The following TMCC2 variants were observed in gnomAD, a reference collection of about 807,000 sequenced individuals.
TMCC2 encodes the protein transmembrane and coiled-coil domains protein 2.
In TMCC2, 16 loss-of-function variants were observed where a neutral mutation model predicts 49.4. The ratio of observed to expected loss-of-function variants is 0.32; its 90% CI spans 0.22 to 0.49. The LOEUF is 0.49. Ranked by LOEUF, TMCC2 falls within the 20% of genes least tolerant of loss-of-function variation. The pLI is 0.99. For missense variants in TMCC2, 762 were observed against 989.8 expected (o/e 0.77, Z 3.09); for synonymous variants, 397 against 434.1 (o/e 0.91, Z 1.06).
At position 205,259,886 on chromosome 1, in the gene TMCC2, A is replaced by G. The variant is rs186024455; in HGVS notation, c.748-9064A>G. On this transcript the variant is annotated intron_variant, in intron 2 of 4. Transcript: ENST00000358024. The stretch of plus-strand genomic sequence containing the variant: ...CCCCAGGTGTGCGTGGGCTGAGGGT[A>G]GATCTCACTGGAGCAGGAAGAGGAA... Among the ~76,000 whole-genome samples, 8 of 152,306 alleles carry G rather than the reference A, an allele frequency of 5.3e-5. No individual in the cohort carries two copies. In the East Asian group the frequency reaches 1.5e-3, roughly 29 times the overall value.
chr1:205,257,703 G>A (rs142734898), intron 2 of TMCC2, among the ~76,000 whole-genome samples: 1 of 152,296 alleles, frequency 6.6e-6, no homozygotes, highest in East Asian at 1.9e-4. Context: ...GGTTGTGGTC[G>A]CTTGTGTCTG....
chr1:205,263,367 C>A (rs1204443071), intron 2 of TMCC2, among the ~76,000 whole-genome samples: 1 of 152,150 alleles, frequency 6.6e-6, no homozygotes, highest in Non-Finnish European at 1.5e-5. Flanking sequence ...GAACTCCTTT[C>A]TTTTTCCTTG....
intron 1 of TMCC2, among the ~76,000 whole-genome samples, chr1:205,239,142 T>C (rs1345995706): frequency 6.6e-6 from 1 of 152,140 alleles, no homozygotes; most frequent in African/African-American, 2.4e-5. Context: ...TCCTCAGTGT[T>C]GGAGAAGCCA....
In TMCC2 at chr1:205,239,973, A is replaced by G. The variant is rs558535385; in HGVS notation, c.208-1532A>G. 2.7e-3 allele frequency among the ~76,000 whole-genome samples: 389 copies of G among 146,436 alleles called. 3 individuals carry two copies. Among genetic ancestry groups the G allele is most frequent in the African/African-American group, 9.0e-3 (360 of 40,098 alleles). On this transcript the variant is annotated intron_variant, in intron 1 of 4. Coordinates refer to ENST00000358024, the MANE Select transcript of TMCC2 (RefSeq NM_014858.4). ...CTGCTCTGTAAGTTTGTTTCTAGGG[A>G]AAAAAAAAAAGAAAATCCAGTCTGT...
chr1:205,245,311 C>CA lies in TMCC2; in HGVS notation c.747+3267_747+3268insA, dbSNP rs1393787848. Reference sequence around the variant, plus strand: ...AGCCTGCAGGGGCCCAAGTGCTAGACTATGGGCAGGAGGCAGCTTGTTTGT... The same window carrying CA: ...AGCCTGCAGGGGCCCAAGTGCTAGACATATGGGCAGGAGGCAGCTTGTTTGT... On this transcript the variant is annotated intron_variant, in intron 2 of 4. Coordinates refer to ENST00000358024, the MANE Select transcript of TMCC2 (RefSeq NM_014858.4). Among the ~76,000 whole-genome samples the CA allele has an allele frequency of 2.6e-5, 4 of 152,238 alleles. No individual in the cohort carries two copies. The East Asian group carries it at 7.7e-4, about 29-fold the overall frequency.
Position 205,235,689 on chromosome 1 carries a change from C to T in TMCC2, c.208-5816C>T, listed in dbSNP as rs1660011273. On this transcript the variant is annotated intron_variant, in intron 1 of 4. Transcript: ENST00000358024. Reference sequence around the variant, plus strand: ...ATAGCTGGACAGGGTCCACCTTTGTCAGCCAAACACTTAAGTCTCTCTTCG... The same window carrying T: ...ATAGCTGGACAGGGTCCACCTTTGTTAGCCAAACACTTAAGTCTCTCTTCG... 2.0e-5 allele frequency among the ~76,000 whole-genome samples: 3 copies of T among 152,204 alleles called. No homozygotes were observed. In the South Asian group the frequency reaches 6.2e-4, roughly 32 times the overall value.
chr1:205,269,048 C>T lies in TMCC2; in HGVS notation c.846C>T (p.Pro282=), dbSNP rs1661466451. The change falls in exon 3 of 5, where the codon CCC becomes CCT. Residue 282 remains proline, a synonymous_variant. Coordinates refer to ENST00000358024, the MANE Select transcript of TMCC2 (RefSeq NM_014858.4). ...SLDVPDGAPD[P]QRTKAAIDHL... ...ACGTGCCCGATGGGGCACCGGACCCCCAGCGGACCAAGGCCGCCATTGACC... is the reference window on the plus strand; with the variant it reads ...ACGTGCCCGATGGGGCACCGGACCCTCAGCGGACCAAGGCCGCCATTGACC... The T allele has an allele frequency of 5.0e-6, 8 of 1,613,640 alleles. No homozygotes were observed. The highest frequency in any genetic ancestry group is 8.5e-7 in the Non-Finnish European group (1 of 1,180,016).
In TMCC2 at chr1:205,228,468, T is replaced by C; in HGVS notation, c.-97T>C. On this transcript the variant is annotated 5_prime_UTR_variant, in exon 1 of 5. Transcript: ENST00000358024. Reference sequence around the variant, plus strand: ...GCCATCTCCCCTCCTTGTTAATAATTTAGACCCCAGGCCTCATATGAATAT... The same window carrying C: ...GCCATCTCCCCTCCTTGTTAATAATCTAGACCCCAGGCCTCATATGAATAT... 5 of 1,045,342 alleles carry C rather than the reference T, an allele frequency of 4.8e-6. No homozygotes were observed. In the East Asian group the frequency reaches 1.3e-4, roughly 26 times the overall value. 64.8% of individuals were successfully genotyped at this position (1,045,342 alleles called of 1,614,324 possible). A position where few individuals can be genotyped will look rare whatever the true frequency, so the allele number is the denominator to read the frequency against.
At chr1:205,263,216 T>G (rs1215879056) in intron 2 of TMCC2, among the ~76,000 whole-genome samples, 2 of 151,938 alleles carry the variant, frequency 1.3e-5, no homozygotes, top group African/African-American at 4.8e-5. Context: ...CCAGTGAGAT[T>G]AAGGGTTACC....
intron 1 of TMCC2, among the ~76,000 whole-genome samples, chr1:205,233,493 C>T (rs956581889): frequency 2.0e-5 from 3 of 152,180 alleles, no homozygotes; most frequent in African/African-American, 7.2e-5. Context: ...CTGTGTGGTT[C>T]TCCCTGCTGG....
chr1:205,233,517 C>T (rs192495560), intron 1 of TMCC2, among the ~76,000 whole-genome samples: 331 of 152,266 alleles, frequency 2.2e-3, no homozygotes, highest in African/African-American at 7.2e-3. Context: ...TCCGCCTTTC[C>T]TGGTGGTCAC....
At chr1:205,229,515 T>A (rs143245994) in intron 1 of TMCC2, 7,118 of 516,058 alleles carry the variant, frequency 0.014, 95 homozygotes, top group East Asian at 0.072. Context: ...CTTTCCTGGA[T>A]GAAGCTCAGT....
chr1:205,235,184 T>TC (rs929133115), intron 1 of TMCC2, among the ~76,000 whole-genome samples: 20 of 151,338 alleles, frequency 1.3e-4, no homozygotes, highest in African/African-American at 4.4e-4. Context: ...CAGGATTGCC[T>TC]CCCCCCCACC....
At chr1:205,259,865 A>C (rs1197772417) in intron 2 of TMCC2, among the ~76,000 whole-genome samples, 1 of 152,204 alleles carries the variant, frequency 6.6e-6, no homozygotes, top group Non-Finnish European at 1.5e-5. Context: ...GGGAGCCCCC[A>C]GGTGTGCGTG....
At chr1:205,267,097 G>T (rs1462995955) in intron 2 of TMCC2, among the ~76,000 whole-genome samples, 1 of 152,140 alleles carries the variant, frequency 6.6e-6, no homozygotes, top group Admixed American at 6.5e-5. Flanking sequence ...GGAGGTCAAG[G>T]GGGGATGAGG....
At chr1:205,232,647 C>T (rs973490390) in intron 1 of TMCC2, among the ~76,000 whole-genome samples, 8 of 151,972 alleles carry the variant, frequency 5.3e-5, no homozygotes, top group South Asian at 4.2e-4. Context: ...ATACAGCATA[C>T]GGGCCGGGAG....
At position 205,269,547 on chromosome 1, in the gene TMCC2, CT is replaced by C. The variant is rs1661493638; in HGVS notation, c.1346del (p.Leu449ArgfsTer13). 1.2e-6 allele frequency: 2 copies of C among 1,613,672 alleles called. No individual in the cohort carries two copies. The highest frequency in any genetic ancestry group is 1.3e-5 in the African/African-American group (1 of 74,928). ...CAACATCGCCCACCTGAAGGACCCC[CT>C]GGAAGATGGGCCCCCTGAGGAGGCA... ...ADNIAHLKDPLEDGPPEEAAR... is the reference protein window; with the variant it reads ...ADNIAHLKDPXEDGPPEEAAR... On this transcript the variant is annotated frameshift_variant, in exon 3 of 5. Transcript: ENST00000358024. LOFTEE classifies it high-confidence loss of function.
At chr1:205,229,565 C>CGGGGGGGGGGGGGGGGGGGGG (rs1659708292) in intron 1 of TMCC2, 2 of 480,342 alleles carry the variant, frequency 4.2e-6, no homozygotes, top group African/African-American at 2.6e-4. Flanking sequence ...GGGGTGGTGG[C>CGGGGGGGGGGGGGGGGGGGGG]GGGGGCGGGG....
At chr1:205,245,707 T>C (rs1574842261) in intron 2 of TMCC2, among the ~76,000 whole-genome samples, 1 of 152,226 alleles carries the variant, frequency 6.6e-6, no homozygotes, top group Non-Finnish European at 1.5e-5. Flanking sequence ...GGTTTTGCAC[T>C]TTTCTAACGT....
Sources: gnomAD v4.1 joint callset for allele counts (sites outside exome capture counted in the v4.1 genomes callset) on GRCh38, gnomAD v4.1.1 for gene constraint, MANE v1.5 for transcripts, NCBI Gene and HGNC (gene_info 2026-07-23, HGNC 2026-07-21) for gene names.